The following FTO variants were observed in gnomAD, a reference collection of about 807,000 sequenced individuals.
FTO encodes FTO alpha-ketoglutarate dependent dioxygenase, also known as alpha-ketoglutarate-dependent dioxygenase FTO.
In FTO, 47 loss-of-function variants were observed where a neutral mutation model predicts 63.9. The observed-to-expected ratio is 0.74, with a 90% CI of 0.58 to 0.94. The LOEUF is 0.94. FTO is among the 40% of genes least tolerant of loss of function. The pLI, the probability that FTO is intolerant of heterozygous loss-of-function variation, is 0.00. For missense variants in FTO, 562 were observed against 618.1 expected (o/e 0.91, Z 0.96); for synonymous variants, 207 against 224.4 (o/e 0.92, Z 0.69).
At chr16:53,779,395 A>C (rs2077534734) in intron 1 of FTO, among the ~76,000 whole-genome samples, 1 of 152,122 alleles carries the variant, frequency 6.6e-6, no homozygotes, top group Admixed American at 6.6e-5. Context: ...TCTCCCCTTA[A>C]CTGGTCTTTA....
At chr16:53,904,017 T>G (rs938499634) in intron 7 of FTO, among the ~76,000 whole-genome samples, 2 of 151,724 alleles carry the variant, frequency 1.3e-5, no homozygotes, top group African/African-American at 4.8e-5. Context: ...TTTACATATA[T>G]AAACATAGAC....
intron 8 of FTO, chr16:53,981,750 A>C (rs1318727646): frequency 6.6e-6 from 1 of 152,286 alleles, no homozygotes; most frequent in African/African-American, 2.4e-5. Flanking sequence ...TCTCTACTAA[A>C]AATACAAAAA....
chr16:53,761,975 A>G (rs1399437779), intron 1 of FTO, among the ~76,000 whole-genome samples: 1 of 152,198 alleles, frequency 6.6e-6, no homozygotes, highest in African/African-American at 2.4e-5. Context: ...TGTAACAAGT[A>G]GACTTTGGGG....
At position 53,819,391 on chromosome 16, in the gene FTO, C is replaced by T. The variant is rs972695919; in HGVS notation, c.124-6473C>T. Among the ~76,000 whole-genome samples, 7 of 152,122 alleles carry T rather than the reference C, an allele frequency of 4.6e-5. No individual in the cohort carries two copies. The East Asian group carries it at 1.4e-3, about 29-fold the overall frequency. On this transcript the variant is annotated intron_variant, in intron 2 of 8. Transcript: ENST00000471389. ...TTCACCTTGTTGCCCAGGCTAGTCT[C>T]GAGCTCGTCAGCTCAAGCAATACAC...
At position 53,824,168 on chromosome 16, in the gene FTO, T is replaced by C. The variant is rs138755357; in HGVS notation, c.124-1696T>C. 4.3e-3 allele frequency among the ~76,000 whole-genome samples: 653 copies of C among 152,346 alleles called. 4 individuals are homozygous for C. Among genetic ancestry groups the C allele is most frequent in the African/African-American group, 0.014 (600 of 41,584 alleles). On this transcript the variant is annotated intron_variant, in intron 2 of 8. Coordinates refer to ENST00000471389, the MANE Select transcript of FTO (RefSeq NM_001080432.3). The stretch of plus-strand genomic sequence containing the variant: ...TCTCCCTTCTACATCCTCCAGTGCA[T>C]CTAGAGTTAGCTTCAGATTCCTTAC...
Position 53,937,546 on chromosome 16 carries a change from G to A in FTO, c.1364+3437G>A, listed in dbSNP as rs569904556. ...GGGTGTCCCAGGATAGGCTACTTTAGGGTCACTCTCTGATAATGAAAATGA... is the reference window on the plus strand; with the variant it reads ...GGGTGTCCCAGGATAGGCTACTTTAAGGTCACTCTCTGATAATGAAAATGA... On this transcript the variant is annotated intron_variant, in intron 8 of 8. Coordinates refer to ENST00000471389, the MANE Select transcript of FTO (RefSeq NM_001080432.3). 1.5e-5 allele frequency: 5 copies of A among 331,424 alleles called. No individual in the cohort carries two copies. The Admixed American group carries it at 1.9e-4, about 13-fold the overall frequency. The allele number at this position is 331,424 out of a possible 1,614,324, so 20.5% of individuals were successfully genotyped here.
At chr16:53,818,096 G>C (rs1478187273) in intron 2 of FTO, among the ~76,000 whole-genome samples, 2 of 151,752 alleles carry the variant, frequency 1.3e-5, no homozygotes, top group African/African-American at 4.8e-5. Context: ...AAAATGGAAA[G>C]TGAACTTATT....
At chr16:53,776,350 G>T (rs1247705885) in intron 1 of FTO, among the ~76,000 whole-genome samples, 4 of 152,116 alleles carry the variant, frequency 2.6e-5, no homozygotes, top group Non-Finnish European at 4.4e-5. Context: ...AATTAGTAAG[G>T]CCCATGGGCC....
intron 8 of FTO, among the ~76,000 whole-genome samples, chr16:54,029,131 C>G (rs2084776942): frequency 6.6e-6 from 1 of 152,214 alleles, no homozygotes; most frequent in South Asian, 2.1e-4. Context: ...CAAGGCTTCA[C>G]TTTCTACATG....
At chr16:54,075,444 A>C (rs1432558658) in intron 8 of FTO, among the ~76,000 whole-genome samples, 1 of 152,208 alleles carries the variant, frequency 6.6e-6, no homozygotes, top group East Asian at 1.9e-4. Flanking sequence ...CAACAATTTT[A>C]TTGTTTTGAT....
intron 1 of FTO, among the ~76,000 whole-genome samples, chr16:53,791,838 C>T (rs1445341171): frequency 2.0e-5 from 3 of 152,142 alleles, no homozygotes; most frequent in African/African-American, 4.8e-5. Flanking sequence ...CTTTGGGAGG[C>T]CGAGGCGGGC....
At chr16:53,845,148 G>A (rs973412942) in intron 4 of FTO, among the ~76,000 whole-genome samples, 8 of 152,184 alleles carry the variant, frequency 5.3e-5, no homozygotes, top group Admixed American at 3.3e-4. Flanking sequence ...TGTGTAAACA[G>A]TATCATTTTT....
At chr16:53,887,708 A>G (rs2081036595) in intron 6 of FTO, among the ~76,000 whole-genome samples, 1 of 152,198 alleles carries the variant, frequency 6.6e-6, no homozygotes, top group Admixed American at 6.5e-5. Flanking sequence ...CAAATATTCT[A>G]AAATCAGAAA....
chr16:53,863,267 A>G (rs904254693), intron 4 of FTO, among the ~76,000 whole-genome samples: 1 of 152,182 alleles, frequency 6.6e-6, no homozygotes, highest in African/African-American at 2.4e-5. Context: ...ATTCCTTTGA[A>G]CTGTAGTAAT....
intron 1 of FTO, among the ~76,000 whole-genome samples, chr16:53,721,910 C>T (rs1352906949): frequency 2.0e-5 from 3 of 152,056 alleles, no homozygotes; most frequent in East Asian, 1.9e-4. Context: ...TTACCCTTTG[C>T]GCTGCTTTTA....
At chr16:53,970,332 G>A (rs1044484552) in intron 8 of FTO, among the ~76,000 whole-genome samples, 5 of 152,160 alleles carry the variant, frequency 3.3e-5, no homozygotes, top group Non-Finnish European at 5.9e-5. Context: ...GCTCAAGCCT[G>A]TAATCCCAGC....
intron 8 of FTO, among the ~76,000 whole-genome samples, chr16:53,942,931 C>T (rs1357841446): frequency 6.6e-6 from 1 of 152,196 alleles, no homozygotes; most frequent in Non-Finnish European, 1.5e-5. Flanking sequence ...ACTAGGTAAA[C>T]TTGTTTGCAG....
At chr16:53,911,497 G>A in intron 7 of FTO, 1 of 703,010 alleles carries the variant, frequency 1.4e-6, no homozygotes, top group Non-Finnish European at 2.6e-6. Flanking sequence ...AAGGACAGGA[G>A]GACAAGGTGG....
chr16:54,039,566 A>G (rs2085023364), intron 8 of FTO: 1 of 152,250 alleles, frequency 6.6e-6, no homozygotes, highest in Non-Finnish European at 1.5e-5. Flanking sequence ...AGCATCTTCG[A>G]CTATGCTAAG....
Sources: allele counts gnomAD v4.1 joint callset (sites outside exome capture counted in the v4.1 genomes callset), GRCh38; gene constraint gnomAD v4.1.1; transcripts MANE v1.5; gene names NCBI Gene and HGNC (gene_info 2026-07-23, HGNC 2026-07-21).